Variants in DNHD1 observed in about 807,000 individuals in gnomAD.
DNHD1 encodes dynein heavy chain domain 1.
A neutral mutation model predicts 458.1 loss-of-function variants in DNHD1; 383 were observed. That is an observed-to-expected ratio of 0.84 (90% confidence interval 0.77 to 0.91). The LOEUF (loss-of-function observed/expected upper bound fraction) is 0.91. Among genes scored for constraint, DNHD1 ranks in the 40% least tolerant of loss-of-function variants. DNHD1 has a pLI of 0.00. For synonymous variants in DNHD1, 2,203 were observed against 2,376.9 expected (o/e 0.93, Z 2.13); for missense variants, 5,336 against 5,866.1 (o/e 0.91, Z 2.95).
chr11:6,502,992 C>A, intron 4 of DNHD1, 66 bp downstream of exon 4: 1 of 1,563,950 alleles, frequency 6.4e-7, no homozygotes, highest in Non-Finnish European at 8.7e-7. Context: ...TATCTTCCCC[C>A]TCCTCTTTCT....
In DNHD1 at chr11:6,519,790, T is replaced by A. The variant is rs1250110703; in HGVS notation, c.1583T>A (p.Ile528Asn). Residue 528 changes from isoleucine to asparagine, a missense_variant, in exon 8 of 43, where the codon ATT becomes AAT. Physicochemically the swap from Ile to Asn is moderately radical, Grantham distance 149. Around this residue, in one of 4 missense-constraint regions of DNHD1, gnomAD observed 3,932 missense variants for 4,365.6 expected, o/e 0.90. Coordinates refer to ENST00000254579, the MANE Select transcript of DNHD1 (RefSeq NM_144666.3). ...TTTGCCCGCCTGGTTGACTACATGATTTGTCAGAGCCTCATTTCTGTCTTG... is the reference window on the plus strand; with the variant it reads ...TTTGCCCGCCTGGTTGACTACATGAATTGTCAGAGCCTCATTTCTGTCTTG... The part of the protein sequence containing the change: ...GKFARLVDYM[I>N]CQSLISVLEE... The A allele has an allele frequency of 1.2e-6, 2 of 1,613,530 alleles. No individual in the cohort carries two copies. The highest frequency in any genetic ancestry group is 2.7e-5 in the African/African-American group (2 of 74,922).
rs868158375 is a variant in DNHD1 at position 6,546,001 on chromosome 11, C to G, written c.5062C>G (p.Pro1688Ala). 2.6e-5 allele frequency: 41 copies of G among 1,551,626 alleles called. No homozygotes were observed. The African/African-American group carries it at 4.4e-4, about 17-fold the overall frequency. Residue 1688 changes from proline (P) to alanine (A), a missense_variant, in exon 21 of 43, where the codon CCT becomes GCT. Pro to Ala is a conservative substitution (Grantham distance 27). Coordinates refer to ENST00000254579, the MANE Select transcript of DNHD1 (RefSeq NM_144666.3). Reference sequence around the variant, plus strand: ...GGTGGCCTGTGGGACCGTACTGGGTCCTAATGGTGTGGGCAAGAGAGCTAT... The same window carrying G: ...GGTGGCCTGTGGGACCGTACTGGGTGCTAATGGTGTGGGCAAGAGAGCTAT... Reference protein sequence around the residue: ...EEVACGTVLGPNGVGKRAIVN... With the variant: ...EEVACGTVLGANGVGKRAIVN...
chr11:6,525,893 T>C (rs1232208659), intron 10 of DNHD1, among the ~76,000 whole-genome samples: 2 of 152,150 alleles, frequency 1.3e-5, no homozygotes, highest in Non-Finnish European at 2.9e-5. Context: ...ATCTAGTTAT[T>C]TTTGTTAGAA....
At chr11:6,568,972 G>C in intron 39 of DNHD1, 106 bp downstream of exon 39, 5 of 1,325,870 alleles carry the variant, frequency 3.8e-6, no homozygotes, top group Non-Finnish European at 5.1e-6. Flanking sequence ...AAGCTCCAAA[G>C]AGCAAGGGCA....
intron 16 of DNHD1, 80 bp downstream of exon 16, chr11:6,538,890 C>T: frequency 7.7e-7 from 1 of 1,304,892 alleles, no homozygotes. Flanking sequence ...TTTCCTGCTG[C>T]TCCTGCTGGA....
chr11:6,519,810 G>C lies in DNHD1; in HGVS notation c.1603G>C (p.Val535Leu), dbSNP rs747224520. 1 of 1,613,080 alleles carries C rather than the reference G, an allele frequency of 6.2e-7. No homozygotes were observed. Among genetic ancestry groups the C allele is most frequent in the East Asian group, 2.2e-5 (1 of 44,888 alleles). The change falls in exon 8 of 43, where the codon GTC becomes CTC. Residue 535 changes from valine (V) to leucine (L), a missense_variant. Physicochemically the swap from Val to Leu is conservative, Grantham distance 32 (BLOSUM62 1). Transcript: ENST00000254579. Reference protein sequence around the residue: ...DYMICQSLISVLEEQITSFVA... With the variant: ...DYMICQSLISLLEEQITSFVA... ...CATGATTTGTCAGAGCCTCATTTCT[G>C]TCTTGGAAGAGCAGATAACCTCTTT... is the stretch of plus-strand genomic sequence containing the variant.
chr11:6,536,723 A>G (rs1330292001), intron 14 of DNHD1, among the ~76,000 whole-genome samples: 1 of 152,224 alleles, frequency 6.6e-6, no homozygotes, highest in African/African-American at 2.4e-5. Flanking sequence ...ATATCACAAA[A>G]TGTCTGTCAA....
At position 6,563,370 on chromosome 11, in the gene DNHD1, C is replaced by G; in HGVS notation, c.9670-12C>G. ...CAGGAGCTCACTTCAGAGGGTATCT[C>G]TCCTCATTTAGATGAGCAAGGCATT... is the stretch of plus-strand genomic sequence containing the variant. On this transcript the variant is annotated splice_polypyrimidine_tract_variant and intron_variant, in intron 29 of 42. Coordinates refer to ENST00000254579, the MANE Select transcript of DNHD1 (RefSeq NM_144666.3). 6.4e-7 allele frequency: 1 copy of G among 1,551,476 alleles called. No individual in the cohort carries two copies. Among genetic ancestry groups the G allele is most frequent in the Non-Finnish European group, 8.7e-7 (1 of 1,146,802 alleles).
At chr11:6,542,599 G>C (rs58075400) in intron 18 of DNHD1, among the ~76,000 whole-genome samples, 341 of 152,228 alleles carry the variant, frequency 2.2e-3, no homozygotes, top group African/African-American at 7.9e-3. Context: ...TTAACTCCGG[G>C]CATGTTAACC....
intron 7 of DNHD1, among the ~76,000 whole-genome samples, chr11:6,511,986 G>T (rs1385822114): frequency 1.3e-5 from 2 of 152,128 alleles, no homozygotes. Flanking sequence ...ACAGGACTGT[G>T]GCTAATTACC....
Position 6,568,436 on chromosome 11 carries a change from A to C in DNHD1, c.12539-18A>C. On this transcript the variant is annotated intron_variant, in intron 37 of 42. Coordinates refer to ENST00000254579, the MANE Select transcript of DNHD1 (RefSeq NM_144666.3). Reference sequence around the variant, plus strand: ...CCCTTTATCCAAGGACTGATCTCAGACCCTTGTCTGACTCTAGTGGTTGCA... The same window carrying C: ...CCCTTTATCCAAGGACTGATCTCAGCCCCTTGTCTGACTCTAGTGGTTGCA... 1.9e-6 allele frequency: 3 copies of C among 1,612,358 alleles called. No individual in the cohort carries two copies. Among genetic ancestry groups the C allele is most frequent in the Non-Finnish European group, 2.5e-6 (3 of 1,179,830 alleles).
rs749713520 is a variant in DNHD1, at chr11:6,520,017, G to A, written c.1700G>A (p.Gly567Asp). 1.9e-6 allele frequency: 3 copies of A among 1,614,154 alleles called. No homozygotes were observed. The highest frequency in any genetic ancestry group is 2.2e-5 in the South Asian group (2 of 91,086). Residue 567 changes from glycine (G) to aspartate (D), a missense_variant, in exon 9 of 43, where the codon GGT becomes GAT. By Grantham distance (94) the Gly-to-Asp change is moderately conservative. Transcript: ENST00000254579. ...LSSQLVFDDH[G>D]QLSHVPCVEN... ...TCACAGCTGGTCTTTGATGATCATG[G>A]TCAACTGTCTCATGTGCCCTGTGTT...
chr11:6,514,010 A>AT (rs368995735), intron 7 of DNHD1, among the ~76,000 whole-genome samples: 9 of 151,194 alleles, frequency 6.0e-5, no homozygotes, highest in Non-Finnish European at 1.3e-4. Context: ...CGCCCGACTA[A>AT]TTTTTTTTTG....
chr11:6,538,329 C>T lies in DNHD1; in HGVS notation c.2999-54C>T, dbSNP rs1170037982. On this transcript the variant is annotated intron_variant, in intron 14 of 42. Transcript: ENST00000254579. The stretch of plus-strand genomic sequence containing the variant: ...GGGCTCTTGACTGATCATTCCACCA[C>T]CCCCCTCCCAACACTGCAAGTAGCC... 1.0e-5 allele frequency: 16 copies of T among 1,527,640 alleles called. No individual in the cohort carries two copies. The East Asian group carries it at 3.7e-4, about 35-fold the overall frequency. 94.6% of individuals were successfully genotyped at this position (1,527,640 alleles called of 1,614,324 possible).
At chr11:6,528,846 GC>G in intron 11 of DNHD1, 31 bp from the exon 12 acceptor site, 1 of 1,550,382 alleles carries the variant, frequency 6.5e-7, no homozygotes, top group Non-Finnish European at 8.7e-7. Flanking sequence ...ATAGCCGCAT[GC>G]CTCTGCCCTA....
At position 6,548,756 on chromosome 11, in the gene DNHD1, C is replaced by T; in HGVS notation, c.7210C>T (p.Pro2404Ser). 6.4e-7 allele frequency: 1 copy of T among 1,551,630 alleles called. No individual in the cohort carries two copies. The highest frequency in any genetic ancestry group is 8.7e-7 in the Non-Finnish European group (1 of 1,146,988). ...KSAFVEVLVE[P>S]HHPYIYSPIH... Reference sequence around the variant, plus strand: ...AGCCTTTGTGGAGGTGCTGGTAGAGCCACATCACCCTTACATATACAGCCC... The same window carrying T: ...AGCCTTTGTGGAGGTGCTGGTAGAGTCACATCACCCTTACATATACAGCCC... The change falls in exon 24 of 43, where the codon CCA (proline) becomes TCA (serine). Residue 2404 changes from proline (P) to serine (S), a missense_variant. By Grantham distance (74) the Pro-to-Ser change is moderately conservative. This residue lies in a region of DNHD1 where 3,932 missense variants were observed against 4,365.6 expected (regional missense o/e 0.90). Coordinates refer to ENST00000254579, the MANE Select transcript of DNHD1 (RefSeq NM_144666.3). The surrounding 1 kb of genome is among the most constrained non-coding windows in gnomAD (Gnocchi z 4.4).
chr11:6,522,732 G>A (rs1456646123), intron 10 of DNHD1, among the ~76,000 whole-genome samples: 2 of 152,048 alleles, frequency 1.3e-5, no homozygotes, highest in Admixed American at 1.3e-4. Context: ...CTTAAATGAG[G>A]CAAAATTTGT....
chr11:6,546,582 G>A lies in DNHD1; in HGVS notation c.5643G>A (p.Leu1881=). The A allele has an allele frequency of 1.3e-6, 2 of 1,551,802 alleles. No homozygotes were observed. The highest frequency in any genetic ancestry group is 1.7e-6 in the Non-Finnish European group (2 of 1,147,018). Residue 1881 remains leucine (L), a synonymous_variant, in exon 21 of 43, where the codon CTG becomes CTA. Coordinates refer to ENST00000254579, the MANE Select transcript of DNHD1 (RefSeq NM_144666.3). ...PCRLPLLKQI[L]EDTIRTLNVT... ...GCCTGCCACTGCTCAAGCAGATACT[G>A]GAAGACACAATACGGACACTAAATG...
At chr11:6,511,713 G>A (rs1852338354) in intron 7 of DNHD1, among the ~76,000 whole-genome samples, 1 of 152,236 alleles carries the variant, frequency 6.6e-6, no homozygotes, top group South Asian at 2.1e-4. Flanking sequence ...TGTTGTTTAT[G>A]CTGACCTTTG....
Sources: allele counts gnomAD v4.1 joint callset (sites outside exome capture counted in the v4.1 genomes callset), GRCh38; gene constraint gnomAD v4.1.1; regional missense constraint gnomAD v4.1.1; non-coding constraint Gnocchi (gnomAD v3.1); transcripts MANE v1.5; gene names NCBI Gene and HGNC (gene_info 2026-07-23, HGNC 2026-07-21).